Variants in IQSEC1 observed in about 807,000 individuals in gnomAD.
The protein encoded by IQSEC1 is IQ motif and Sec7 domain ArfGEF 1, also known as IQ motif and SEC7 domain-containing protein 1.
Under a neutral mutation model 91.0 loss-of-function variants are expected in IQSEC1, and 31 were observed. The ratio of observed to expected loss-of-function variants is 0.34; its 90% confidence interval spans 0.26 to 0.46. The LOEUF (loss-of-function observed/expected upper bound fraction) is 0.46, where lower values mean the gene tolerates loss of function less well. Ranked by LOEUF, IQSEC1 falls within the 20% of genes least tolerant of loss-of-function variation. The pLI, the probability that IQSEC1 is intolerant of heterozygous loss-of-function variation, is 1.00. For missense variants in IQSEC1, 1,388 were observed against 1,575.6 expected, an observed-to-expected ratio of 0.88 and a Z score of 2.02; for synonymous variants, 699 against 662.6, an observed-to-expected ratio of 1.05 and a Z score of -0.84.
At chr3:13,253,488 G>A (rs1314515710) in intron 1 of IQSEC1, among the ~76,000 whole-genome samples, 1 of 152,152 alleles carries the variant, frequency 6.6e-6, no homozygotes, top group Non-Finnish European at 1.5e-5. Flanking sequence ...TCACACCAAG[G>A]CTGAATGAAG....
intron 1 of IQSEC1, among the ~76,000 whole-genome samples, chr3:13,274,615 G>A (rs1301524221): frequency 1.3e-5 from 2 of 152,220 alleles, no homozygotes; most frequent in Non-Finnish European, 2.9e-5. Flanking sequence ...TGTCCCAAGT[G>A]TGTCCTGCAT....
At chr3:13,230,934 A>T (rs933948665) in intron 1 of IQSEC1, among the ~76,000 whole-genome samples, 14 of 152,220 alleles carry the variant, frequency 9.2e-5, no homozygotes, top group Non-Finnish European at 2.1e-4. Context: ...AGAGGGCTTC[A>T]TCCTCAACAT....
intron 10 of IQSEC1, among the ~76,000 whole-genome samples, chr3:12,910,786 T>C (rs1418980408): frequency 6.6e-6 from 1 of 152,178 alleles, no homozygotes; most frequent in Non-Finnish European, 1.5e-5. Context: ...AATCCGCAGA[T>C]GGAAGGCTGA....
chr3:13,154,648 A>G lies in IQSEC1; in HGVS notation c.302+9456T>C, dbSNP rs903477555. On this transcript the variant is annotated intron_variant, in intron 2 of 15. Coordinates refer to the IQSEC1 transcript ENST00000648114. The stretch of plus-strand genomic sequence containing the variant: ...ACTCAAGACATCAACTAGATCTAAC[A>G]GGACACTCCACTCAACAGAACGCAG... 6.6e-5 allele frequency among the ~76,000 whole-genome samples: 10 copies of G among 150,718 alleles called. 1 individual carries two copies. The highest frequency in any genetic ancestry group is 3.3e-4 in the Admixed American group (5 of 14,948).
At chr3:13,047,505 C>T (rs1704544303) in intron 1 of IQSEC1, 1 of 985,292 alleles carries the variant, frequency 1.0e-6, no homozygotes, top group Non-Finnish European at 1.2e-6. Flanking sequence ...GAGGCTGCTT[C>T]CGGTGTCCAG....
At chr3:13,155,531 G>A (rs1017552407) in intron 2 of IQSEC1, among the ~76,000 whole-genome samples, 5 of 152,176 alleles carry the variant, frequency 3.3e-5, no homozygotes, top group African/African-American at 7.2e-5. Context: ...TTCAACTGAT[G>A]AATTCTACCA....
At chr3:13,157,578 A>G (rs923572916) in intron 2 of IQSEC1, among the ~76,000 whole-genome samples, 20 of 152,288 alleles carry the variant, frequency 1.3e-4, no homozygotes, top group Non-Finnish European at 2.2e-4. Flanking sequence ...GCACAGAGTC[A>G]AGGAGATGGA....
At chr3:12,988,230 A>G (rs143034603) in intron 1 of IQSEC1, among the ~76,000 whole-genome samples, 132 of 152,288 alleles carry the variant, frequency 8.7e-4, no homozygotes, top group African/African-American at 3.2e-3. Flanking sequence ...CTTGGCTAAC[A>G]TGGCAAAACC....
rs561969294 is a variant in IQSEC1, at chr3:13,143,573, T to C, written c.302+20531A>G. Among the ~76,000 whole-genome samples, 14 of 152,348 alleles carry C rather than the reference T, an allele frequency of 9.2e-5. No homozygotes were observed. In the East Asian group the frequency reaches 2.7e-3, roughly 29 times the overall value. On this transcript the variant is annotated intron_variant, in intron 2 of 15. Transcript: ENST00000648114. ...AGACAGTGGCCACATGACCTCGGCC[T>C]GACCAATCAGCAGAGCCAACCTCCA...
chr3:13,110,838 C>T (rs543453213), intron 2 of IQSEC1, among the ~76,000 whole-genome samples: 10 of 152,228 alleles, frequency 6.6e-5, no homozygotes, highest in African/African-American at 2.4e-4. Context: ...TGAGTCGGGA[C>T]ACCAATTAAA....
intron 1 of IQSEC1, among the ~76,000 whole-genome samples, chr3:13,247,151 G>A (rs1245528423): frequency 6.6e-6 from 1 of 152,150 alleles, no homozygotes; most frequent in Non-Finnish European, 1.5e-5. Flanking sequence ...GGTGAGGTCT[G>A]CAGGGGACGG....
At chr3:13,204,324 C>G (rs1349413682) in intron 1 of IQSEC1, among the ~76,000 whole-genome samples, 1 of 152,252 alleles carries the variant, frequency 6.6e-6, no homozygotes, top group Non-Finnish European at 1.5e-5. Flanking sequence ...CTGACTCCCC[C>G]GATGATCCCA....
intron 1 of IQSEC1, among the ~76,000 whole-genome samples, chr3:12,959,551 C>A (rs1700116788): frequency 6.6e-6 from 1 of 152,190 alleles, no homozygotes; most frequent in East Asian, 1.9e-4. Context: ...GGGTCAGACA[C>A]CACTTGGTCA....
intron 1 of IQSEC1, among the ~76,000 whole-genome samples, chr3:12,962,242 A>G (rs1290099301): frequency 5.3e-5 from 8 of 152,168 alleles, no homozygotes; most frequent in Non-Finnish European, 1.2e-4. Context: ...ACTAACATCT[A>G]CCGGGCCCTT....
At chr3:13,277,843 G>A (rs1015898785) in intron 1 of IQSEC1, among the ~76,000 whole-genome samples, 9 of 152,148 alleles carry the variant, frequency 5.9e-5, no homozygotes, top group Admixed American at 5.9e-4. Flanking sequence ...GCTAAGAGGG[G>A]ACAGGAAATC....
Position 12,922,388 on chromosome 3 carries a change from A to G in IQSEC1, c.1731-146T>C. 9.9e-7 allele frequency: 1 copy of G among 1,012,656 alleles called. No homozygotes were observed. Among genetic ancestry groups the G allele is most frequent in the Non-Finnish European group, 1.4e-6 (1 of 736,646 alleles). The allele number at this position is 1,012,656 out of a possible 1,614,324, so 62.7% of individuals were successfully genotyped here. On this transcript the variant is annotated intron_variant, in intron 4 of 13. Transcript: ENST00000613206. This position sits in a 1 kb window ranked among gnomAD's most constrained non-coding sequence, Gnocchi z 5.1. ...CTGCCTGACTCCGACCAATCAGCCA[A>G]GAGCCCTCAGAATGCAGCAAAAAGA...
chr3:13,244,453 C>T (rs1403812314), intron 1 of IQSEC1, among the ~76,000 whole-genome samples: 2 of 152,202 alleles, frequency 1.3e-5, no homozygotes, highest in East Asian at 1.9e-4. Context: ...ATGTAATTCA[C>T]CTGCCATTCA....
At chr3:12,910,100 G>A (rs1482017718) in intron 10 of IQSEC1, among the ~76,000 whole-genome samples, 3 of 152,262 alleles carry the variant, frequency 2.0e-5, no homozygotes, top group Non-Finnish European at 4.4e-5. Flanking sequence ...GTGGGAACAT[G>A]TGCCTAGTGA....
intron 1 of IQSEC1, among the ~76,000 whole-genome samples, chr3:13,261,804 G>A (rs559753312): frequency 1.3e-5 from 2 of 152,280 alleles, no homozygotes; most frequent in Admixed American, 6.5e-5. Context: ...CATAATTTAT[G>A]GCACTCAATG....
Sources: gnomAD v4.1 joint callset for allele counts (sites outside exome capture counted in the v4.1 genomes callset) on GRCh38, gnomAD v4.1.1 for gene constraint, Gnocchi (gnomAD v3.1) non-coding constraint, MANE v1.5 for transcripts, NCBI Gene and HGNC (gene_info 2026-07-23, HGNC 2026-07-21) for gene names.